Variants in TMEM25 observed in about 807,000 individuals in gnomAD.
TMEM25 encodes 0610039J01Rik.
In TMEM25, 36 loss-of-function variants were observed where a neutral mutation model predicts 37.0. The ratio of observed to expected loss-of-function variants is 0.97; its 90% CI spans 0.75 to 1.28. The LOEUF is 1.28. Among genes scored for constraint, TMEM25 ranks in the 50% most tolerant of loss-of-function variants. The pLI is 0.00. For synonymous variants in TMEM25, 197 were observed against 203.7 expected (o/e 0.97, Z 0.28); for missense variants, 444 against 477.9 (o/e 0.93, Z 0.66).
In TMEM25 at chr11:118,531,872, G is replaced by A. The variant is rs1951289052; in HGVS notation, c.70+1G>A. 26 of 1,551,588 alleles carry A rather than the reference G, an allele frequency of 1.7e-5. No individual in the cohort carries two copies. The East Asian group carries it at 5.9e-4, about 35-fold the overall frequency. ...CTCCTGCCAGCCCTTCTGAGCTCAG[G>A]TACACCCCTGTTCAGTCGTTGACCA... On this transcript the variant is annotated splice_donor_variant, in intron 2 of 8. Coordinates refer to ENST00000313236, the MANE Select transcript of TMEM25 (RefSeq NM_032780.4). LOFTEE classifies it high-confidence loss of function.
Position 118,534,514 on chromosome 11 carries a change from C to T in TMEM25, c.1035C>T (p.Ile345=). 2 of 1,614,210 alleles carry T rather than the reference C, an allele frequency of 1.2e-6. No homozygotes were observed. Among genetic ancestry groups the T allele is most frequent in the Non-Finnish European group, 1.7e-6 (2 of 1,180,020 alleles). Residue 345 remains isoleucine (I), a synonymous_variant, in exon 9 of 9, where the codon ATC becomes ATT. Coordinates refer to ENST00000313236, the MANE Select transcript of TMEM25 (RefSeq NM_032780.4). The surrounding 1 kb of genome is among the most constrained non-coding windows in gnomAD (Gnocchi z 4.6). ...GCTTCTTTGATCCCGCAGGTTTCAT[C>T]CGCCTCCCAGTGCTGGGCTATATCT... is the stretch of plus-strand genomic sequence containing the variant. ...PGGLLTSQGF[I]RLPVLGYIYR... is the part of the protein sequence containing the mutation.
chr11:118,537,395 CAT>C (rs782766602), downstream of TMEM25, among the ~76,000 whole-genome samples: 9 of 152,214 alleles, frequency 5.9e-5, no homozygotes, highest in Non-Finnish European at 8.8e-5. Context: ...GCTGGTGTGA[CAT>C]GTGTATAATG....
chr11:118,543,899 C>T lies in TMEM25; in HGVS notation c.1028-2220C>T, dbSNP rs138489970. On this transcript the variant is annotated intron_variant, in intron 8 of 8. Coordinates refer to the TMEM25 transcript ENST00000354284. The stretch of plus-strand genomic sequence containing the variant: ...TTAGCTCACTGTAACCTCCACCTCA[C>T]GGATTCAAGTGATTCTTCTGCCTCA... Among the ~76,000 whole-genome samples, 1,270 of 151,890 alleles carry T rather than the reference C, an allele frequency of 8.4e-3. 14 individuals carry two copies. The highest frequency in any genetic ancestry group is 0.029 in the African/African-American group (1,187 of 41,386).
chr11:118,531,433 C>T, intron 1 of TMEM25, 199 bp downstream of exon 1: 1 of 430,988 alleles, frequency 2.3e-6, no homozygotes. Flanking sequence ...GAAAGGCGAT[C>T]CCTTTGGGGG....
At chr11:118,544,951 G>A in intron 8 of TMEM25, 1 of 1,613,742 alleles carries the variant, frequency 6.2e-7, no homozygotes, top group Non-Finnish European at 8.5e-7. Flanking sequence ...TCTCCAGCTT[G>A]GGAGGTGGAA....
intron 8 of TMEM25, chr11:118,545,693 G>T: frequency 1.5e-6 from 2 of 1,354,004 alleles, no homozygotes; most frequent in Non-Finnish European, 2.1e-6. Context: ...AGTGAAGGCT[G>T]AAACTCAAGA....
chr11:118,543,746 C>T (rs1465770897), intron 8 of TMEM25, among the ~76,000 whole-genome samples: 1 of 151,874 alleles, frequency 6.6e-6, no homozygotes, highest in African/African-American at 2.4e-5. Flanking sequence ...CTCAGCCTCC[C>T]AAAGTGCTGG....
intron 8 of TMEM25, among the ~76,000 whole-genome samples, chr11:118,544,342 A>G (rs1951625292): frequency 6.6e-6 from 1 of 152,180 alleles, no homozygotes; most frequent in East Asian, 1.9e-4. Context: ...GAAAAATTAA[A>G]TTCCAGAGGA....
chr11:118,533,791 A>T lies in TMEM25; in HGVS notation c.806-66A>T, dbSNP rs1951409252. 4 of 1,611,998 alleles carry T rather than the reference A, an allele frequency of 2.5e-6. No individual in the cohort carries two copies. In the East Asian group the frequency reaches 8.9e-5, roughly 36 times the overall value. ...CCTTGCCTGAGGGTCCTGGGTCTGA[A>T]AGGGTAGGACAGCCCAGCGTGGGAG... On this transcript the variant is annotated intron_variant, in intron 5 of 8. Transcript: ENST00000313236.
chr11:118,545,593 C>G, intron 8 of TMEM25: 1 of 1,150,286 alleles, frequency 8.7e-7, no homozygotes, highest in Non-Finnish European at 1.3e-6. Flanking sequence ...GATGGGGTGT[C>G]GCTATGACTT....
At chr11:118,543,743 T>C (rs1951613451) in intron 8 of TMEM25, among the ~76,000 whole-genome samples, 1 of 151,526 alleles carries the variant, frequency 6.6e-6, no homozygotes, top group Admixed American at 6.6e-5. Context: ...CGCCTCAGCC[T>C]CCCAAAGTGC....
At chr11:118,546,424 G>A (rs1330777173) in exon 9 of TMEM25, 9 of 427,506 alleles carry the variant, frequency 2.1e-5, no homozygotes, top group South Asian at 2.7e-5. Flanking sequence ...CCAGCAGGTT[G>A]AGGCTGCAGT....
In TMEM25 at chr11:118,535,324, A is replaced by T; in HGVS notation, c.*744A>T. 7.3e-7 allele frequency: 1 copy of T among 1,369,200 alleles called. No individual in the cohort carries two copies. Among genetic ancestry groups the T allele is most frequent in the Non-Finnish European group, 9.4e-7 (1 of 1,062,742 alleles). 84.8% of individuals were successfully genotyped at this position (1,369,200 alleles called of 1,614,324 possible). A position where few individuals can be genotyped will look rare whatever the true frequency, so the allele number is the denominator to read the frequency against. On this transcript the variant is annotated 3_prime_UTR_variant, in exon 9 of 9. Transcript: ENST00000313236. ...GGAGGAAGAGGCAGGCGATGAGTCT[A>T]GTAGCACCCAGGACGGCTTGTAGCT...
At position 118,535,523 on chromosome 11, in the gene TMEM25, A is replaced by T. The variant is rs1445806388; in HGVS notation, c.*943A>T. The T allele has an allele frequency of 1.2e-5, 19 of 1,533,742 alleles. No individual in the cohort carries two copies. Among genetic ancestry groups the T allele is most frequent in the Non-Finnish European group, 1.7e-5 (19 of 1,145,614 alleles). On this transcript the variant is annotated 3_prime_UTR_variant, in exon 9 of 9. Transcript: ENST00000313236. ...TTTCTCTCAGCATGTCTCCTCCACCACGGGACCCCAGCCCTGACCAACCCA... is the reference window on the plus strand; with the variant it reads ...TTTCTCTCAGCATGTCTCCTCCACCTCGGGACCCCAGCCCTGACCAACCCA...
At chr11:118,544,772 T>C in intron 8 of TMEM25, 1 of 639,392 alleles carries the variant, frequency 1.6e-6, no homozygotes, top group Non-Finnish European at 2.8e-6. Flanking sequence ...CTGTGCCCTC[T>C]GGCAGAGAGG....
intron 8 of TMEM25, among the ~76,000 whole-genome samples, chr11:118,542,856 T>C (rs1044629884): frequency 6.6e-6 from 1 of 151,222 alleles, no homozygotes; most frequent in South Asian, 2.1e-4. Flanking sequence ...GAGGCTGCGG[T>C]ATGCCAAGAT....
chr11:118,537,822 G>T (rs543573318), downstream of TMEM25, among the ~76,000 whole-genome samples: 3 of 152,066 alleles, frequency 2.0e-5, no homozygotes, highest in East Asian at 3.9e-4. Context: ...AGGCCGAGGC[G>T]GGTGGATCGC....
chr11:118,531,800 C>T lies in TMEM25; in HGVS notation c.-2C>T. ...CAGCCTAGGGCCTAGGCCCGGGCCA[C>T]CATGGCGCTGCCTCCAGGCCCAGCC... On this transcript the variant is annotated 5_prime_UTR_variant, in exon 2 of 9. Coordinates refer to ENST00000313236, the MANE Select transcript of TMEM25 (RefSeq NM_032780.4). 1 of 1,550,552 alleles carries T rather than the reference C, an allele frequency of 6.4e-7. No individual in the cohort carries two copies. The highest frequency in any genetic ancestry group is 8.7e-7 in the Non-Finnish European group (1 of 1,146,862).
intron 8 of TMEM25, chr11:118,545,827 A>G (rs782138843): frequency 8.7e-6 from 14 of 1,614,166 alleles, no homozygotes; most frequent in Admixed American, 1.7e-5. Flanking sequence ...CCAGGCTGCA[A>G]TCAATCTCTG....
Sources: allele counts gnomAD v4.1 joint callset (sites outside exome capture counted in the v4.1 genomes callset), GRCh38; gene constraint gnomAD v4.1.1; non-coding constraint Gnocchi (gnomAD v3.1); transcripts MANE v1.5; gene names NCBI Gene and HGNC (gene_info 2026-07-23, HGNC 2026-07-21).